Variants in DLC1 observed in about 807,000 individuals in gnomAD.
DLC1 encodes DLC1 Rho GTPase activating protein.
In DLC1, 54 loss-of-function variants were observed where a neutral mutation model predicts 140.3. The ratio of observed to expected loss-of-function variants is 0.38; its 90% confidence interval spans 0.31 to 0.48. The LOEUF (loss-of-function observed/expected upper bound fraction) is 0.48. Among genes scored for constraint, DLC1 ranks in the 20% least tolerant of loss-of-function variants. DLC1 has a pLI of 0.96. For synonymous variants in DLC1, 986 were observed against 728.1 expected (o/e 1.35, Z -5.70); for missense variants, 2,536 against 1,907.0 (o/e 1.33, Z -6.14).
chr8:13,431,799 T>G (rs1392897794), intron 2 of DLC1, among the ~76,000 whole-genome samples: 1 of 151,970 alleles, frequency 6.6e-6, no homozygotes, highest in East Asian at 1.9e-4. Context: ...GGGTGGCAAG[T>G]GGAGGATAGG....
Position 13,499,770 on chromosome 8 carries a change from T to C in DLC1, c.302A>G (p.Glu101Gly). Residue 101 changes from glutamate (E) to glycine (G), a missense_variant, in exon 2 of 18, where the codon GAA becomes GGA. By Grantham distance (98) the Glu-to-Gly change is moderately conservative. Coordinates refer to ENST00000276297, the MANE Select transcript of DLC1 (RefSeq NM_182643.3). ...HEGEDQFLSL[E>G]ASTETLVHVS... ...ATGCACTAGTGTTTCTGTGCTGGCT[T>C]CCAGAGAAAGAAACTGATCTTCACC... The C allele has an allele frequency of 6.2e-7, 1 of 1,614,082 alleles. No individual in the cohort carries two copies. The highest frequency in any genetic ancestry group is 1.1e-5 in the South Asian group (1 of 91,086).
chr8:13,133,323 G>T, intron 5 of DLC1: 3 of 1,184,526 alleles, frequency 2.5e-6, no homozygotes, highest in African/African-American at 1.6e-5. Flanking sequence ...GGGCCCTCCC[G>T]CTGGGCCCAC....
intron 7 of DLC1, among the ~76,000 whole-genome samples, chr8:13,104,350 C>CAA (rs71304974): frequency 0.044 from 5,282 of 119,338 alleles, 134 homozygotes; most frequent in Non-Finnish European, 0.057. Flanking sequence ...AAAATACTTA[C>CAA]AAAAAAAAAA....
chr8:13,273,515 C>T (rs527508065), intron 5 of DLC1, among the ~76,000 whole-genome samples: 3 of 152,272 alleles, frequency 2.0e-5, no homozygotes, highest in South Asian at 2.1e-4. Flanking sequence ...TGTCCTTCCT[C>T]ACAAACTGAA....
In DLC1 at chr8:13,092,943, G is replaced by C. The variant is rs1051610104; in HGVS notation, c.3527-118C>G. 5.4e-6 allele frequency: 6 copies of C among 1,111,058 alleles called. No homozygotes were observed. In the African/African-American group the frequency reaches 6.2e-5, roughly 12 times the overall value. The allele number at this position is 1,111,058 out of a possible 1,614,324, so 68.8% of individuals were successfully genotyped here. A position where few individuals can be genotyped will look rare whatever the true frequency, so the allele number is the denominator to read the frequency against. ...TCAGCCCAGTACTGAACAAGCACTT[G>C]TAGAAAGTGCACTAGAGGTTAATAC... is the stretch of plus-strand genomic sequence containing the variant. On this transcript the variant is annotated intron_variant, in intron 12 of 17. Transcript: ENST00000276297.
Position 13,088,788 on chromosome 8 carries a change from T to C in DLC1, c.4075-84A>G, listed in dbSNP as rs911528992. 9.4e-6 allele frequency: 11 copies of C among 1,175,046 alleles called. No homozygotes were observed. In the East Asian group the frequency reaches 1.2e-4, roughly 13 times the overall value. The allele number at this position is 1,175,046 out of a possible 1,614,324, so 72.8% of individuals were successfully genotyped here. A position where few individuals can be genotyped will look rare whatever the true frequency, so the allele number is the denominator to read the frequency against. ...GTCGAATTGTTAGTTAGACTAACAA[T>C]TTTAGTTACATATAATCAACGTTAA... On this transcript the variant is annotated intron_variant, in intron 15 of 17. Coordinates refer to ENST00000276297, the MANE Select transcript of DLC1 (RefSeq NM_182643.3).
At chr8:13,226,903 C>T (rs567542119) in intron 5 of DLC1, among the ~76,000 whole-genome samples, 1 of 152,232 alleles carries the variant, frequency 6.6e-6, no homozygotes, top group African/African-American at 2.4e-5. Flanking sequence ...TCAAGTGGTT[C>T]TAAACATGGT....
chr8:13,575,360 G>A (rs578236998), intron 1 of DLC1, among the ~76,000 whole-genome samples: 2 of 152,188 alleles, frequency 1.3e-5, no homozygotes, highest in East Asian at 3.9e-4. Flanking sequence ...GGGTACGAGA[G>A]GCAGTCTTTC....
intron 1 of DLC1, chr8:13,567,015 C>A (rs1804460475): frequency 6.5e-7 from 1 of 1,550,022 alleles, no homozygotes; most frequent in African/African-American, 1.4e-5. Flanking sequence ...CAGAATTGGC[C>A]CAAACGGACA....
At chr8:13,458,167 C>T (rs979288378) in intron 2 of DLC1, among the ~76,000 whole-genome samples, 6 of 152,116 alleles carry the variant, frequency 3.9e-5, no homozygotes, top group African/African-American at 1.4e-4. Context: ...CATACATGAA[C>T]TTTAACAGAC....
At chr8:13,290,988 A>G (rs1245425005) in intron 5 of DLC1, among the ~76,000 whole-genome samples, 2 of 152,194 alleles carry the variant, frequency 1.3e-5, no homozygotes, top group African/African-American at 4.8e-5. Flanking sequence ...GGCTCCCTGC[A>G]ACCTCTGCCT....
chr8:13,579,340 TATATATATATATATATATATA>T lies in DLC1; in HGVS notation c.-126+25176_-126+25196del, dbSNP rs1355922548. Among the ~76,000 whole-genome samples the T allele has an allele frequency of 3.1e-3, 161 of 51,454 alleles. 27 individuals carry two copies. Among genetic ancestry groups the T allele is most frequent in the African/African-American group, 0.017 (155 of 9,234 alleles). The allele number at this position is 51,454 out of a possible 152,430, so 33.8% of individuals were successfully genotyped here. A position where few individuals can be genotyped will look rare whatever the true frequency, so the allele number is the denominator to read the frequency against. The stretch of plus-strand genomic sequence containing the variant: ...TTATATATATATATATATATATATA[TATATATATATATATATATATA>T]TTTTTATATAATACATATTTATATA... On this transcript the variant is annotated intron_variant, in intron 1 of 1. Coordinates refer to the DLC1 transcript ENST00000631382.
intron 5 of DLC1, among the ~76,000 whole-genome samples, chr8:13,186,451 G>A (rs886902434): frequency 6.6e-6 from 1 of 152,038 alleles, no homozygotes; most frequent in African/African-American, 2.4e-5. Flanking sequence ...CACTATTGAA[G>A]CTTGTGCATG....
intron 8 of DLC1, among the ~76,000 whole-genome samples, chr8:13,101,197 C>T (rs1369085623): frequency 2.0e-5 from 3 of 152,212 alleles, no homozygotes; most frequent in Non-Finnish European, 4.4e-5. Flanking sequence ...AGGCATGAGC[C>T]ACAGTGCCCG....
At chr8:13,387,544 T>G (rs1029848543) in intron 4 of DLC1, among the ~76,000 whole-genome samples, 3 of 152,046 alleles carry the variant, frequency 2.0e-5, no homozygotes, top group Non-Finnish European at 4.4e-5. Flanking sequence ...CACAGTGACT[T>G]TAGTTTAATG....
chr8:13,347,453 G>C (rs1043339957), intron 4 of DLC1, among the ~76,000 whole-genome samples: 5 of 152,154 alleles, frequency 3.3e-5, no homozygotes, highest in African/African-American at 1.2e-4. Context: ...TTGAGTAGTG[G>C]TGTCGGGGAT....
intron 1 of DLC1, among the ~76,000 whole-genome samples, chr8:13,506,566 C>CGT (rs747964779): frequency 1.8e-3 from 19 of 10,506 alleles, no homozygotes; most frequent in South Asian, 3.1e-3. Flanking sequence ...CACACACACA[C>CGT]ATGTGTGTGT....
At position 13,097,758 on chromosome 8, in the gene DLC1, T is replaced by G. The variant is rs145519763; in HGVS notation, c.3167+641A>C. On this transcript the variant is annotated intron_variant, in intron 10 of 17. Transcript: ENST00000276297. ...GGAAGGAGGTGCCTATACCACGTGA[T>G]GCAAGAGTAATGCATTCTCACCCCA... Among the ~76,000 whole-genome samples, 6 of 152,268 alleles carry G rather than the reference T, an allele frequency of 3.9e-5. No homozygotes were observed. The East Asian group carries it at 1.2e-3, about 29-fold the overall frequency.
chr8:13,217,292 T>G (rs1035314768), intron 5 of DLC1, among the ~76,000 whole-genome samples: 32 of 152,206 alleles, frequency 2.1e-4, no homozygotes, highest in African/African-American at 7.2e-4. Context: ...TTTGTGACTT[T>G]ATTACTTAAT....
Sources: gnomAD v4.1 joint callset for allele counts (sites outside exome capture counted in the v4.1 genomes callset) on GRCh38, gnomAD v4.1.1 for gene constraint, MANE v1.5 for transcripts, NCBI Gene and HGNC (gene_info 2026-07-23, HGNC 2026-07-21) for gene names.